NAV2: variants seen among roughly 807,000 people sequenced by gnomAD.
NAV2 encodes the protein helicase, APC down-regulated 1.
A neutral mutation model predicts 223.2 loss-of-function variants in NAV2; 54 were observed. That is an observed-to-expected ratio of 0.24 (90% CI 0.19 to 0.30). The LOEUF (loss-of-function observed/expected upper bound fraction) is 0.30. Ranked by LOEUF, NAV2 falls within the 10% of genes least tolerant of loss-of-function variation. The pLI is 1.00. For synonymous variants in NAV2, 1,279 were observed against 1,239.3 expected (o/e 1.03, Z -0.67); for missense variants, 2,806 against 3,147.5 (o/e 0.89, Z 2.60).
chr11:19,746,038 AT>A (rs2053307559), intron 1 of NAV2, among the ~76,000 whole-genome samples: 1 of 152,210 alleles, frequency 6.6e-6, no homozygotes, highest in Admixed American at 6.5e-5. Flanking sequence ...TATTATGCCC[AT>A]TTTACAGATT....
At chr11:19,523,625 CT>C (rs1392178166) in intron 1 of NAV2, among the ~76,000 whole-genome samples, 2 of 152,214 alleles carry the variant, frequency 1.3e-5, no homozygotes, top group Non-Finnish European at 2.9e-5. Flanking sequence ...CACTCTTCTT[CT>C]TTCTCCTCTA....
intron 1 of NAV2, among the ~76,000 whole-genome samples, chr11:19,751,118 A>T (rs962141071): frequency 6.6e-6 from 1 of 152,202 alleles, no homozygotes; most frequent in African/African-American, 2.4e-5. Flanking sequence ...AAATGCTACA[A>T]ATCAGAGCAT....
intron 1 of NAV2, among the ~76,000 whole-genome samples, chr11:19,436,885 A>T (rs557523612): frequency 4.0e-4 from 61 of 152,204 alleles, no homozygotes; most frequent in African/African-American, 1.4e-3. Flanking sequence ...CAAATAGTTC[A>T]TTGTTAGTGT....
chr11:19,476,250 G>T (rs1451001266), intron 1 of NAV2, among the ~76,000 whole-genome samples: 1 of 152,188 alleles, frequency 6.6e-6, no homozygotes, highest in East Asian at 1.9e-4. Flanking sequence ...TGGGATTACA[G>T]GCGTGAGCCA....
intron 1 of NAV2, among the ~76,000 whole-genome samples, chr11:19,704,146 T>C (rs1419460922): frequency 6.6e-6 from 1 of 152,152 alleles, no homozygotes; most frequent in East Asian, 1.9e-4. Context: ...CAGGAAGCCC[T>C]GTCTCAGAGC....
At chr11:19,667,085 G>A (rs992210557) in intron 1 of NAV2, among the ~76,000 whole-genome samples, 5 of 150,608 alleles carry the variant, frequency 3.3e-5, no homozygotes, top group African/African-American at 1.2e-4. Context: ...TGTTCCCATT[G>A]TCAGTCTCCC....
At chr11:19,698,804 G>A (rs1565176903) in intron 1 of NAV2, among the ~76,000 whole-genome samples, 1 of 152,204 alleles carries the variant, frequency 6.6e-6, no homozygotes, top group African/African-American at 2.4e-5. Context: ...GTGCTCACGT[G>A]TGTGTGTGCA....
intron 1 of NAV2, among the ~76,000 whole-genome samples, chr11:19,690,439 A>C: frequency 6.6e-6 from 1 of 152,126 alleles, no homozygotes; most frequent in Non-Finnish European, 1.5e-5. Context: ...TCTGTGCTTT[A>C]ATTTCTTCAT....
At position 19,901,692 on chromosome 11, in the gene NAV2, T is replaced by C. The variant is rs555363074; in HGVS notation, c.931+9098T>C. Among the ~76,000 whole-genome samples, 3 of 152,346 alleles carry C rather than the reference T, an allele frequency of 2.0e-5. No individual in the cohort carries two copies. In the South Asian group the frequency reaches 6.2e-4, roughly 32 times the overall value. ...ATGGGGAATCATTTAAATGTATGTATACATTTTGTCATATACATATTGAAA... is the reference window on the plus strand; with the variant it reads ...ATGGGGAATCATTTAAATGTATGTACACATTTTGTCATATACATATTGAAA... On this transcript the variant is annotated intron_variant, in intron 6 of 37. Coordinates refer to ENST00000349880, the MANE Select transcript of NAV2 (RefSeq NM_145117.5).
chr11:19,853,012 A>T (rs192565245), intron 3 of NAV2, among the ~76,000 whole-genome samples: 115 of 152,326 alleles, frequency 7.5e-4, no homozygotes, highest in Non-Finnish European at 1.4e-3. Context: ...AAAATAACAG[A>T]TTATTTTTAT....
chr11:19,955,685 G>T (rs936390544), intron 10 of NAV2, among the ~76,000 whole-genome samples: 1 of 152,162 alleles, frequency 6.6e-6, no homozygotes, highest in African/African-American at 2.4e-5. Flanking sequence ...GGACAAATGT[G>T]TGAGGTATTT....
At chr11:20,074,420 G>A (rs576510655) in intron 22 of NAV2, among the ~76,000 whole-genome samples, 41 of 152,326 alleles carry the variant, frequency 2.7e-4, no homozygotes, top group African/African-American at 9.6e-4. Flanking sequence ...TTGATGTGGG[G>A]TTGAGAGTTC....
intron 1 of NAV2, among the ~76,000 whole-genome samples, chr11:19,726,933 G>C (rs554930390): frequency 6.6e-6 from 1 of 152,326 alleles, no homozygotes; most frequent in South Asian, 2.1e-4. Context: ...CCTCTGTCTG[G>C]AGGCACAGGC....
intron 1 of NAV2, among the ~76,000 whole-genome samples, chr11:19,528,188 C>T (rs1005209619): frequency 1.3e-5 from 2 of 152,062 alleles, no homozygotes; most frequent in African/African-American, 4.8e-5. Flanking sequence ...TGGGAGGGGA[C>T]CATGGAGGGA....
At chr11:19,572,328 G>A (rs551136333) in intron 1 of NAV2, among the ~76,000 whole-genome samples, 1 of 152,340 alleles carries the variant, frequency 6.6e-6, no homozygotes, top group East Asian at 1.9e-4. Flanking sequence ...GGCAGACGGG[G>A]AAACTGAGAC....
At chr11:19,599,328 T>G (rs1304623443) in intron 1 of NAV2, among the ~76,000 whole-genome samples, 1 of 152,218 alleles carries the variant, frequency 6.6e-6, no homozygotes, top group Admixed American at 6.5e-5. Context: ...TCCATCCTTT[T>G]TCATGTTTTC....
rs538593843 is a variant in NAV2 at position 19,886,490 on chromosome 11, C to G, written c.771-5944C>G. ...AAGTGGCTGCTTTCCCTAACAACAC[C>G]AGGCCCAAGTCAGAGTGGAAACCCA... On this transcript the variant is annotated intron_variant, in intron 5 of 37. Transcript: ENST00000349880. Among the ~76,000 whole-genome samples, 167 of 152,350 alleles carry G rather than the reference C, an allele frequency of 1.1e-3. 1 individual carries two copies. The highest frequency in any genetic ancestry group is 2.1e-3 in the Non-Finnish European group (145 of 68,042).
At chr11:20,019,893 G>T (rs1243041930) in intron 11 of NAV2, among the ~76,000 whole-genome samples, 6 of 151,858 alleles carry the variant, frequency 4.0e-5, no homozygotes, top group Admixed American at 3.9e-4. Context: ...TCTCAGTGGA[G>T]TAGTGGGAAC....
chr11:19,842,741 C>A (rs2060579269), intron 2 of NAV2, 130 bp from the exon 3 acceptor site: 3 of 684,458 alleles, frequency 4.4e-6, no homozygotes, highest in South Asian at 2.1e-5. Context: ...CTCAGTATTT[C>A]ACATGCCTGC....
Sources: gnomAD v4.1 joint callset for allele counts (sites outside exome capture counted in the v4.1 genomes callset) on GRCh38, gnomAD v4.1.1 for gene constraint, MANE v1.5 for transcripts, NCBI Gene and HGNC (gene_info 2026-07-23, HGNC 2026-07-21) for gene names.